Variants in CSMD2 observed in about 807,000 individuals in gnomAD.
The protein encoded by CSMD2 is CUB and Sushi multiple domains 2, also known as CUB and sushi domain-containing protein 2.
Under a neutral mutation model 398.5 loss-of-function variants are expected in CSMD2, and 130 were observed. The ratio of observed to expected loss-of-function variants is 0.33; its 90% CI spans 0.28 to 0.38. The LOEUF (loss-of-function observed/expected upper bound fraction) is 0.38, where lower values mean the gene tolerates loss of function less well. Among genes scored for constraint, CSMD2 ranks in the 10% least tolerant of loss-of-function variants. The pLI, the probability that CSMD2 is intolerant of heterozygous loss-of-function variation, is 1.00. For synonymous variants in CSMD2, 1,828 were observed against 1,908.5 expected, an observed-to-expected ratio of 0.96 and a Z score of 1.10; for missense variants, 3,829 against 4,764.9, an observed-to-expected ratio of 0.80 and a Z score of 5.78.
chr1:33,974,130 A>G (rs2147930181), intron 3 of CSMD2, among the ~76,000 whole-genome samples: 1 of 152,288 alleles, frequency 6.6e-6, no homozygotes, highest in Middle Eastern at 3.4e-3. Context: ...TCAAGAAGTA[A>G]TCCTTACAGC....
chr1:34,157,526 T>C (rs1488481521), intron 1 of CSMD2, among the ~76,000 whole-genome samples: 3 of 151,816 alleles, frequency 2.0e-5, no homozygotes, highest in African/African-American at 4.8e-5. Flanking sequence ...CATATCCCAA[T>C]TGTTCCATTC....
chr1:33,863,667 A>T (rs1406403493), intron 5 of CSMD2: 1 of 153,646 alleles, frequency 6.5e-6, no homozygotes, highest in Non-Finnish European at 1.4e-5. Flanking sequence ...TTTTATCATG[A>T]CAGCCCTGGA....
At chr1:34,135,890 A>G (rs867466263) in intron 1 of CSMD2, among the ~76,000 whole-genome samples, 1 of 152,194 alleles carries the variant, frequency 6.6e-6, no homozygotes, top group African/African-American at 2.4e-5. Flanking sequence ...GAAACTGTTG[A>G]TAAGTGGGAC....
At chr1:34,107,051 C>A (rs1660595171) in intron 1 of CSMD2, among the ~76,000 whole-genome samples, 1 of 152,148 alleles carries the variant, frequency 6.6e-6, no homozygotes, top group Non-Finnish European at 1.5e-5. Flanking sequence ...TATTATGCCA[C>A]AGCCCTGGAT....
chr1:33,698,889 A>C lies in CSMD2; in HGVS notation c.3789T>G (p.Val1263=). ...DPGTPKFGYK[V]HDEGHFAGSS... ...TCCCTGCAAAATGACCTTCATCATG[A>C]ACCTTGTAGCCAAACTTGGGGGTTC... The change falls in exon 24 of 71, where the codon GTT becomes GTG. Residue 1263 remains valine (V), a synonymous_variant. Transcript: ENST00000373381. 3 of 1,614,188 alleles carry C rather than the reference A, an allele frequency of 1.9e-6. No homozygotes were observed. Among genetic ancestry groups the C allele is most frequent in the Non-Finnish European group, 1.7e-6 (2 of 1,180,018 alleles).
At chr1:33,675,807 C>A (rs572874328) in intron 25 of CSMD2, among the ~76,000 whole-genome samples, 2 of 152,270 alleles carry the variant, frequency 1.3e-5, no homozygotes, top group South Asian at 2.1e-4. Flanking sequence ...GTTCAACATA[C>A]GCAAATCAAT....
At chr1:33,695,450 G>T (rs1369896315) in intron 24 of CSMD2, among the ~76,000 whole-genome samples, 1 of 152,122 alleles carries the variant, frequency 6.6e-6, no homozygotes, top group Non-Finnish European at 1.5e-5. Flanking sequence ...CAGGTGAAGA[G>T]GTCTACATTC....
chr1:33,759,846 C>T (rs996034834), intron 13 of CSMD2, among the ~76,000 whole-genome samples: 7 of 152,126 alleles, frequency 4.6e-5, no homozygotes, highest in African/African-American at 1.7e-4. Context: ...TGGATAATTA[C>T]CTAGAACAAA....
intron 10 of CSMD2, among the ~76,000 whole-genome samples, chr1:33,796,425 G>A (rs537587541): frequency 2.3e-4 from 35 of 152,190 alleles, no homozygotes; most frequent in African/African-American, 5.1e-4. Context: ...AATTTCTTAC[G>A]CCTGTCTTTA....
chr1:33,652,033 A>G (rs571419410), intron 28 of CSMD2, among the ~76,000 whole-genome samples: 7 of 152,262 alleles, frequency 4.6e-5, no homozygotes, highest in African/African-American at 1.7e-4. Context: ...GGCATCCAAC[A>G]AAGGCCTCCT....
chr1:33,530,739 A>G (rs1389840043), intron 64 of CSMD2, among the ~76,000 whole-genome samples: 1 of 152,218 alleles, frequency 6.6e-6, no homozygotes, highest in Non-Finnish European at 1.5e-5. Context: ...TGGAATATAT[A>G]CACAATGGAA....
At chr1:33,802,318 C>T (rs903257290) in intron 10 of CSMD2, among the ~76,000 whole-genome samples, 2 of 152,128 alleles carry the variant, frequency 1.3e-5, no homozygotes, top group African/African-American at 4.8e-5. Flanking sequence ...TCCCTTACTC[C>T]TAGTTTATTG....
At chr1:33,825,600 G>A (rs1001644789) in intron 7 of CSMD2, 97 bp downstream of exon 7, 6 of 1,084,504 alleles carry the variant, frequency 5.5e-6, no homozygotes, top group Admixed American at 3.9e-5. Flanking sequence ...TTGAAGGAAA[G>A]TCATTCCAGC....
At position 33,662,933 on chromosome 1, in the gene CSMD2, A is replaced by C; in HGVS notation, c.4212T>G (p.Thr1404=). ...TFNSVVLQFS[T]DFFTSKQGFA... ...AGCCCTGCTTGCTGGTGAAGAAGTC[A>C]GTGCTGAACTGCAGGACGACCGAGT... The change falls in exon 26 of 71, where the codon ACT becomes ACG. Residue 1404 remains threonine (T), a synonymous_variant. Coordinates refer to ENST00000373381, the MANE Select transcript of CSMD2 (RefSeq NM_001281956.2). 1.9e-6 allele frequency: 3 copies of C among 1,614,220 alleles called. No individual in the cohort carries two copies. Among genetic ancestry groups the C allele is most frequent in the Non-Finnish European group, 1.7e-6 (2 of 1,180,038 alleles).
At position 33,886,134 on chromosome 1, in the gene CSMD2, GGA is replaced by G. The variant is rs1022060627; in HGVS notation, c.920+31958_920+31959del. On this transcript the variant is annotated intron_variant, in intron 5 of 70. Coordinates refer to ENST00000373381, the MANE Select transcript of CSMD2 (RefSeq NM_001281956.2). ...ATGCATGAGTGGAATGTACAACTTA[GGA>G]GAGACAGATAGCTAGAGGATACTGG... Among the ~76,000 whole-genome samples the G allele has an allele frequency of 6.6e-5, 10 of 152,316 alleles. No homozygotes were observed. The South Asian group carries it at 1.7e-3, about 25-fold the overall frequency.
chr1:34,028,602 A>C lies in CSMD2; in HGVS notation c.517+3992T>G, dbSNP rs556591308. Among the ~76,000 whole-genome samples the C allele has an allele frequency of 3.3e-5, 5 of 152,314 alleles. No homozygotes were observed. The South Asian group carries it at 1.0e-3, about 32-fold the overall frequency. On this transcript the variant is annotated intron_variant, in intron 3 of 70. Transcript: ENST00000373381. ...CTCTGCCTTACTCAAAGAGTTTTGC[A>C]GAAAAGCCACGTTAAAATTCCTGGC... is the stretch of plus-strand genomic sequence containing the variant.
intron 3 of CSMD2, among the ~76,000 whole-genome samples, chr1:34,006,734 G>A (rs1456420888): frequency 2.0e-5 from 3 of 152,012 alleles, no homozygotes; most frequent in African/African-American, 7.3e-5. Context: ...TTCATTCTTG[G>A]GTACTAGGCT....
rs1645508888 is a variant in CSMD2 at position 33,698,826 on chromosome 1, C to T, written c.3852G>A (p.Leu1284=). ...GACACAGCAGCTCCTCACTACCCCG[C>T]AGGCTGTATCCAGGGTCACAGCTGA... is the stretch of plus-strand genomic sequence containing the variant. ...VSFSCDPGYS[L]RGSEELLCLS... is the part of the protein sequence containing the mutation. The change falls in exon 24 of 71, where the codon CTG becomes CTA. Residue 1284 remains leucine, a synonymous_variant. Transcript: ENST00000373381. 1.9e-6 allele frequency: 3 copies of T among 1,614,088 alleles called. No individual in the cohort carries two copies. The South Asian group carries it at 3.3e-5, about 18-fold the overall frequency.
rs1651450521 is a variant in CSMD2 at position 33,772,683 on chromosome 1, G to A, written c.1732C>T (p.His578Tyr). Residue 578 changes from histidine to tyrosine, a missense_variant, in exon 13 of 71, where the codon CAC (histidine) becomes TAC (tyrosine). His to Tyr is a moderately conservative substitution (Grantham distance 83). Coordinates refer to ENST00000373381, the MANE Select transcript of CSMD2 (RefSeq NM_001281956.2). ...AYGRREGSRFHHGDTLKFECQ... is the reference protein window; with the variant it reads ...AYGRREGSRFYHGDTLKFECQ... ...TCAAACTTGAGTGTGTCACCGTGGT[G>A]AAACCGGGAGCCTTCCCTCCGGCCA... is the stretch of plus-strand genomic sequence containing the variant. 11 of 1,614,006 alleles carry A rather than the reference G, an allele frequency of 6.8e-6. No homozygotes were observed. The highest frequency in any genetic ancestry group is 9.3e-6 in the Non-Finnish European group (11 of 1,180,004).
Sources: allele counts gnomAD v4.1 joint callset (sites outside exome capture counted in the v4.1 genomes callset), GRCh38; gene constraint gnomAD v4.1.1; transcripts MANE v1.5; gene names NCBI Gene and HGNC (gene_info 2026-07-23, HGNC 2026-07-21).